CAST: variants seen among roughly 807,000 people sequenced by gnomAD.
CAST encodes the protein MIR583 host.
Under a neutral mutation model 119.6 loss-of-function variants are expected in CAST, and 76 were observed. The observed-to-expected ratio is 0.64, with a 90% CI of 0.53 to 0.77. The LOEUF (loss-of-function observed/expected upper bound fraction) is 0.77. CAST is among the 30% of genes least tolerant of loss of function. The pLI, the probability that CAST is intolerant of heterozygous loss-of-function variation, is 0.00. For synonymous variants in CAST, 319 were observed against 331.6 expected, an observed-to-expected ratio of 0.96 and a Z score of 0.41; for missense variants, 953 against 946.5, an observed-to-expected ratio of 1.01 and a Z score of -0.09.
chr5:96,091,793 C>T, the CAST span, among the ~76,000 whole-genome samples: 542 of 152,264 alleles, frequency 3.6e-3, 2 homozygotes, highest in African/African-American at 4.7e-3. Context: ...CATGAGCCAT[C>T]GTACCTGGCC....
intron 1 of CAST, among the ~76,000 whole-genome samples, chr5:96,577,699 T>A (rs1746699887): frequency 1.3e-5 from 2 of 152,304 alleles, no homozygotes; most frequent in South Asian, 4.1e-4. Context: ...TCCTGTCTTC[T>A]GTTATTGGTT....
At chr5:96,385,855 T>C in the CAST span, among the ~76,000 whole-genome samples, 3 of 152,222 alleles carry the variant, frequency 2.0e-5, no homozygotes, top group African/African-American at 7.2e-5. Context: ...ATTTATTCCG[T>C]GCTATAAATA....
chr5:96,620,031 T>C (rs1349928152), intron 1 of CAST, among the ~76,000 whole-genome samples: 1 of 152,174 alleles, frequency 6.6e-6, no homozygotes, highest in African/African-American at 2.4e-5. Flanking sequence ...TTAGAGACAA[T>C]GCATGTTAAA....
the CAST span, among the ~76,000 whole-genome samples, chr5:96,053,739 T>C: frequency 6.6e-6 from 1 of 152,206 alleles, no homozygotes; most frequent in Non-Finnish European, 1.5e-5. Flanking sequence ...AAAGAAAATA[T>C]ATCAGCTGTA....
At position 96,631,967 on chromosome 5, in the gene CAST, T is replaced by A. The variant is rs375024272; in HGVS notation, c.61-43572T>A. ...TACCATTTTACAGTCCTACCTGCAATGTATGAATATTCCAATTTGTCCACA... is the reference window on the plus strand; with the variant it reads ...TACCATTTTACAGTCCTACCTGCAAAGTATGAATATTCCAATTTGTCCACA... On this transcript the variant is annotated intron_variant, in intron 1 of 11. Coordinates refer to the CAST transcript ENST00000505143. Among the ~76,000 whole-genome samples the A allele has an allele frequency of 8.2e-4, 125 of 152,276 alleles. 1 individual carries two copies. The South Asian group carries it at 0.023, about 29-fold the overall frequency.
chr5:96,276,883 A>G, the CAST span, among the ~76,000 whole-genome samples: 1 of 152,148 alleles, frequency 6.6e-6, no homozygotes, highest in Non-Finnish European at 1.5e-5. Context: ...CTATGTATGT[A>G]TGTTCATGAG....
chr5:96,279,110 A>G, the CAST span, among the ~76,000 whole-genome samples: 5 of 152,200 alleles, frequency 3.3e-5, no homozygotes, highest in Admixed American at 2.6e-4. Context: ...AATATCTGGA[A>G]ACACTTGGTC....
At chr5:96,669,579 A>G (rs927260482) in intron 1 of CAST, among the ~76,000 whole-genome samples, 4 of 152,240 alleles carry the variant, frequency 2.6e-5, no homozygotes, top group African/African-American at 4.8e-5. Context: ...TGTTTGATTT[A>G]CTGAGAAAAT....
At chr5:96,673,922 C>T (rs1750409693) in intron 1 of CAST, among the ~76,000 whole-genome samples, 1 of 152,178 alleles carries the variant, frequency 6.6e-6, no homozygotes, top group Non-Finnish European at 1.5e-5. Context: ...ACCCTGGCTG[C>T]TTTTCAGTGG....
chr5:96,177,187 G>C, the CAST span, among the ~76,000 whole-genome samples: 1 of 152,104 alleles, frequency 6.6e-6, no homozygotes, highest in Admixed American at 6.5e-5. Flanking sequence ...TTTTGCTGAA[G>C]TGCTAACAGA....
At chr5:96,412,607 A>G in the CAST span, 1 of 941,506 alleles carries the variant, frequency 1.1e-6, no homozygotes, top group East Asian at 2.6e-5. Context: ...AAAACCAGGT[A>G]ACTACTAGAT....
At chr5:96,208,935 A>G in the CAST span, among the ~76,000 whole-genome samples, 842 of 151,938 alleles carry the variant, frequency 5.5e-3, 9 homozygotes, top group African/African-American at 0.02. Flanking sequence ...GACATCTCCT[A>G]TTATTATTGT....
the CAST span, chr5:96,395,005 T>C: frequency 6.2e-7 from 1 of 1,613,624 alleles, no homozygotes; most frequent in Non-Finnish European, 8.5e-7. Flanking sequence ...CAATTCTTCC[T>C]TCATTTTGAA....
chr5:96,266,264 C>T, the CAST span, among the ~76,000 whole-genome samples: 1 of 152,228 alleles, frequency 6.6e-6, no homozygotes, highest in East Asian at 1.9e-4. Context: ...TTAAAAATTT[C>T]CCCCAACCCA....
intron 3 of CAST, among the ~76,000 whole-genome samples, chr5:96,696,701 T>TAAAAAA (rs1561483071): frequency 2.0e-5 from 1 of 50,026 alleles, no homozygotes; most frequent in Non-Finnish European, 4.7e-5. Context: ...AAAAAAAAAT[T>TAAAAAA]AAAAATTAGC....
chr5:96,574,791 A>G (rs538355878), intron 1 of CAST, among the ~76,000 whole-genome samples: 1 of 152,268 alleles, frequency 6.6e-6, no homozygotes, highest in African/African-American at 2.4e-5. Flanking sequence ...AAAGACTGCT[A>G]TCCTCCCACC....
At chr5:96,479,453 A>AT in the CAST span, among the ~76,000 whole-genome samples, 470 of 122,148 alleles carry the variant, frequency 3.8e-3, 12 homozygotes, top group East Asian at 0.04. Context: ...GGCACTCCTT[A>AT]TTTTTTTTTT....
At chr5:96,667,334 AC>A (rs1749469464) in intron 1 of CAST, among the ~76,000 whole-genome samples, 1 of 152,206 alleles carries the variant, frequency 6.6e-6, no homozygotes, top group African/African-American at 2.4e-5. Flanking sequence ...TGCGGTGGAC[AC>A]AAAAAAATCG....
chr5:96,507,999 T>TATTATTATTATC, the CAST span, among the ~76,000 whole-genome samples: 1 of 61,882 alleles, frequency 1.6e-5, no homozygotes, highest in Non-Finnish European at 3.9e-5. Context: ...ACATTATTAT[T>TATTATTATTATC]ATTATTATTA....
Sources: allele counts gnomAD v4.1 joint callset (sites outside exome capture counted in the v4.1 genomes callset), GRCh38; gene constraint gnomAD v4.1.1; transcripts MANE v1.5; gene names NCBI Gene and HGNC (gene_info 2026-07-23, HGNC 2026-07-21).